Variants in TMOD3 observed in about 807,000 individuals in gnomAD.
The protein encoded by TMOD3 is tropomodulin 3, also known as tropomodulin-3.
A neutral mutation model predicts 39.2 loss-of-function variants in TMOD3; 20 were observed. The ratio of observed to expected loss-of-function variants is 0.51; its 90% CI spans 0.36 to 0.74. TMOD3 has a LOEUF of 0.74. Ranked by LOEUF, TMOD3 falls within the 30% of genes least tolerant of loss-of-function variation. The probability of loss-of-function intolerance (pLI) is 0.00; values close to 1 mark genes in which losing one functional copy is unlikely to be tolerated. For missense variants in TMOD3, 381 were observed against 412.8 expected (o/e 0.92, Z 0.67); for synonymous variants, 143 against 145.8 (o/e 0.98, Z 0.14).
chr15:51,894,000 A>G, intron 6 of TMOD3, 55 bp downstream of exon 6: 1 of 1,451,448 alleles, frequency 6.9e-7, no homozygotes. Flanking sequence ...TGAACCTAGG[A>G]TGAGAGCTGG....
At chr15:51,902,552 C>A (rs572300494) in intron 9 of TMOD3, among the ~76,000 whole-genome samples, 1 of 151,736 alleles carries the variant, frequency 6.6e-6, no homozygotes, top group Non-Finnish European at 1.5e-5. Flanking sequence ...CACACTGCAA[C>A]CTCCGCCTCC....
intron 2 of TMOD3, among the ~76,000 whole-genome samples, chr15:51,867,118 G>T (rs553396248): frequency 9.2e-5 from 14 of 152,290 alleles, no homozygotes; most frequent in Non-Finnish European, 1.8e-4. Flanking sequence ...AATGGAGAGG[G>T]TGTGTGAGAT....
rs1376273941 is a variant in TMOD3 at position 51,909,272 on chromosome 15, A to T, written c.*462A>T. The T allele has an allele frequency of 1.3e-5, 2 of 153,276 alleles. No homozygotes were observed. The highest frequency in any genetic ancestry group is 4.8e-5 in the African/African-American group (2 of 41,440). 9.5% of individuals were successfully genotyped at this position (153,276 alleles called of 1,614,324 possible). ...AATACATGAACTTGGCAAGGGTGTGATTTTTCTTTATCAAGAGAACAAAAT... is the reference window on the plus strand; with the variant it reads ...AATACATGAACTTGGCAAGGGTGTGTTTTTTCTTTATCAAGAGAACAAAAT... On this transcript the variant is annotated 3_prime_UTR_variant, in exon 10 of 10. Transcript: ENST00000308580.
In TMOD3 at chr15:51,855,984, TGTG is replaced by T. The variant is rs1479202814; in HGVS notation, c.-74-6822_-74-6820del. Among the ~76,000 whole-genome samples the T allele has an allele frequency of 3.3e-5, 5 of 152,308 alleles. No individual in the cohort carries two copies. The East Asian group carries it at 9.6e-4, about 29-fold the overall frequency. ...GGAAAGAATGCTAGTAGTGGCCAGG[TGTG>T]GTGGGTAGCTCACGCCTGTAATCCC... On this transcript the variant is annotated intron_variant, in intron 1 of 9. Transcript: ENST00000308580.
chr15:51,834,488 C>A (rs991654001), intron 1 of TMOD3, among the ~76,000 whole-genome samples: 2 of 151,996 alleles, frequency 1.3e-5, no homozygotes, highest in Non-Finnish European at 2.9e-5. Context: ...GGTTCATTTT[C>A]CACCTATATA....
At chr15:51,836,522 C>A (rs377323518) in intron 1 of TMOD3, among the ~76,000 whole-genome samples, 1 of 152,074 alleles carries the variant, frequency 6.6e-6, no homozygotes, top group East Asian at 1.9e-4. Context: ...GTCAGGAGAT[C>A]GAGACCATCC....
chr15:51,897,982 AT>A (rs1187202132), intron 7 of TMOD3, among the ~76,000 whole-genome samples: 2 of 152,006 alleles, frequency 1.3e-5, no homozygotes, highest in African/African-American at 4.8e-5. Context: ...GGTTACCTTC[AT>A]CTATTTTACC....
intron 3 of TMOD3, chr15:51,884,787 T>C (rs1453831655): frequency 6.6e-6 from 1 of 152,210 alleles, no homozygotes; most frequent in Non-Finnish European, 1.5e-5. Context: ...ACACTGAGAA[T>C]GGCCAAAGAG....
chr15:51,887,482 T>G, intron 3 of TMOD3, 107 bp from the exon 4 acceptor site: 2 of 1,166,780 alleles, frequency 1.7e-6, no homozygotes, highest in South Asian at 1.7e-5. Flanking sequence ...ACTGTCGATG[T>G]TAATCTTTTC....
Position 51,913,100 on chromosome 15 carries a change from A to G in TMOD3, c.*4290A>G, listed in dbSNP as rs2056719268. 1 of 152,186 alleles carries G rather than the reference A, an allele frequency of 6.6e-6. No individual in the cohort carries two copies. The highest frequency in any genetic ancestry group is 2.1e-4 in the South Asian group (1 of 4,824). The allele number at this position is 152,186 out of a possible 1,614,324, so 9.4% of individuals were successfully genotyped here. ...GTGATTCTCCTGCCTCAGCCTCCCAAGTAGCTGGGATTACAGGCGTCCGCC... is the reference window on the plus strand; with the variant it reads ...GTGATTCTCCTGCCTCAGCCTCCCAGGTAGCTGGGATTACAGGCGTCCGCC... On this transcript the variant is annotated 3_prime_UTR_variant, in exon 10 of 10. Transcript: ENST00000308580.
intron 4 of TMOD3, among the ~76,000 whole-genome samples, chr15:51,888,023 A>G (rs988709592): frequency 6.6e-6 from 1 of 152,342 alleles, no homozygotes; most frequent in Admixed American, 6.5e-5. Context: ...AAGCTGTCCT[A>G]TCTGAACACC....
intron 1 of TMOD3, among the ~76,000 whole-genome samples, chr15:51,838,628 T>C (rs1445826322): frequency 6.6e-6 from 1 of 152,208 alleles, no homozygotes; most frequent in Non-Finnish European, 1.5e-5. Context: ...TTTTAAAAAA[T>C]AGTATGCATT....
chr15:51,902,626 T>C (rs2056657098), intron 9 of TMOD3, among the ~76,000 whole-genome samples: 2 of 147,768 alleles, frequency 1.4e-5, no homozygotes, highest in South Asian at 4.4e-4. Context: ...GTGCGCGCCG[T>C]GCCCAGCTAA....
Position 51,896,495 on chromosome 15 carries a change from C to T in TMOD3, c.704C>T (p.Ala235Val), listed in dbSNP as rs762783796. The change falls in exon 7 of 10, where the codon GCA becomes GTA. Residue 235 changes from alanine to valine, a missense_variant. Physicochemically the swap from Ala to Val is moderately conservative, Grantham distance 64. Coordinates refer to ENST00000308580, the MANE Select transcript of TMOD3 (RefSeq NM_014547.5). ...ACACATGTGAAATGTTTCAGTCTTG[C>T]AGCCACCCGGAGCAATGACCCTGTT... ...TNTHVKCFSL[A>V]ATRSNDPVAT... is the part of the protein sequence containing the mutation. 8 of 1,613,758 alleles carry T rather than the reference C, an allele frequency of 5.0e-6. No homozygotes were observed. The Admixed American group carries it at 8.3e-5, about 17-fold the overall frequency.
chr15:51,893,294 C>CAAAAAAAAA (rs59321162), intron 5 of TMOD3, among the ~76,000 whole-genome samples: 2 of 58,992 alleles, frequency 3.4e-5, no homozygotes, highest in Non-Finnish European at 5.8e-5. Flanking sequence ...GACTCCATCT[C>CAAAAAAAAA]AAAAAAAAAA....
At chr15:51,877,355 C>T (rs1464811384) in intron 3 of TMOD3, among the ~76,000 whole-genome samples, 2 of 152,048 alleles carry the variant, frequency 1.3e-5, no homozygotes, top group Non-Finnish European at 2.9e-5. Flanking sequence ...TACTTGGAAA[C>T]AGTTTGATTC....
chr15:51,840,355 G>A (rs190765163), intron 1 of TMOD3, among the ~76,000 whole-genome samples: 1 of 152,162 alleles, frequency 6.6e-6, no homozygotes, highest in Non-Finnish European at 1.5e-5. Flanking sequence ...CTAATGAAGT[G>A]TTCCTTAAAA....
chr15:51,913,334 C>T lies in TMOD3; in HGVS notation c.*4524C>T, dbSNP rs977338447. The T allele has an allele frequency of 1.3e-5, 2 of 152,144 alleles. No homozygotes were observed. The highest frequency in any genetic ancestry group is 4.8e-5 in the African/African-American group (2 of 41,430). The allele number at this position is 152,144 out of a possible 1,614,324, so 9.4% of individuals were successfully genotyped here. On this transcript the variant is annotated 3_prime_UTR_variant, in exon 10 of 10. Coordinates refer to ENST00000308580, the MANE Select transcript of TMOD3 (RefSeq NM_014547.5). ...CAGATTGAACATCCCTAATTGAAAACTTTTTGAGTACTAACATAGTGTTCA... is the reference window on the plus strand; with the variant it reads ...CAGATTGAACATCCCTAATTGAAAATTTTTTGAGTACTAACATAGTGTTCA...
In TMOD3 at chr15:51,832,229, A is replaced by G. The variant is rs566807585; in HGVS notation, c.-75+2393A>G. ...TATATATATATATATATATATATAT[A>G]TATGAATGACATGGTTCCTGTCTAG... On this transcript the variant is annotated intron_variant, in intron 1 of 9. Transcript: ENST00000308580. Among the ~76,000 whole-genome samples, 28 of 136,146 alleles carry G rather than the reference A, an allele frequency of 2.1e-4. No individual in the cohort carries two copies. In the South Asian group the frequency reaches 4.9e-3, roughly 24 times the overall value. 89.3% of individuals were successfully genotyped at this position (136,146 alleles called of 152,430 possible).
Sources: gnomAD v4.1 joint callset for allele counts (sites outside exome capture counted in the v4.1 genomes callset) on GRCh38, gnomAD v4.1.1 for gene constraint, MANE v1.5 for transcripts, NCBI Gene and HGNC (gene_info 2026-07-23, HGNC 2026-07-21) for gene names.